Variants in INPP4B observed in about 807,000 individuals in gnomAD.
INPP4B encodes the protein inositol polyphosphate-4-phosphatase type II B.
Under a neutral mutation model 122.5 loss-of-function variants are expected in INPP4B, and 55 were observed. The observed-to-expected ratio is 0.45, with a 90% CI of 0.36 to 0.56. INPP4B has a LOEUF of 0.56. INPP4B is among the 20% of genes least tolerant of loss of function. The pLI is 0.00. For missense variants in INPP4B, 1,000 were observed against 1,097.7 expected, an observed-to-expected ratio of 0.91 and a Z score of 1.26; for synonymous variants, 403 against 388.7, an observed-to-expected ratio of 1.04 and a Z score of -0.43.
intron 19 of INPP4B, among the ~76,000 whole-genome samples, chr4:142,123,936 A>T (rs1561205118): frequency 6.6e-6 from 1 of 152,038 alleles, no homozygotes; most frequent in Non-Finnish European, 1.5e-5. Flanking sequence ...TTAGAAAGAG[A>T]AGTCTTCTTT....
chr4:142,662,287 C>G (rs1229262690), intron 2 of INPP4B, among the ~76,000 whole-genome samples: 1 of 151,896 alleles, frequency 6.6e-6, no homozygotes, highest in Non-Finnish European at 1.5e-5. Flanking sequence ...AAAGTTTGAC[C>G]ACTGCACATG....
At chr4:142,202,868 G>C in intron 14 of INPP4B, 1 of 651,428 alleles carries the variant, frequency 1.5e-6, no homozygotes, top group Non-Finnish European at 1.9e-6. Flanking sequence ...TTCCCTGTGG[G>C]CTCAAATCAG....
intron 2 of INPP4B, among the ~76,000 whole-genome samples, chr4:142,714,002 C>T (rs1763436756): frequency 6.6e-6 from 1 of 152,138 alleles, no homozygotes; most frequent in East Asian, 1.9e-4. Flanking sequence ...ATATAGAAGG[C>T]TTAATGGTCC....
chr4:142,373,319 G>C (rs1173083202), intron 7 of INPP4B, among the ~76,000 whole-genome samples: 1 of 152,018 alleles, frequency 6.6e-6, no homozygotes, highest in Non-Finnish European at 1.5e-5. Flanking sequence ...CAAGTATTGA[G>C]AGAAAAGTGT....
At chr4:142,265,986 G>C (rs1742574560) in intron 10 of INPP4B, among the ~76,000 whole-genome samples, 1 of 152,196 alleles carries the variant, frequency 6.6e-6, no homozygotes, top group South Asian at 2.1e-4. Flanking sequence ...AAGTGGAAAA[G>C]TGGCTGGTAA....
At chr4:142,175,986 G>C (rs906348872) in intron 15 of INPP4B, among the ~76,000 whole-genome samples, 1 of 151,922 alleles carries the variant, frequency 6.6e-6, no homozygotes, top group East Asian at 1.9e-4. Flanking sequence ...CTGCTATTCT[G>C]TGTCCATCAG....
At chr4:142,149,783 TA>T (rs1273044267) in intron 17 of INPP4B, among the ~76,000 whole-genome samples, 1 of 152,190 alleles carries the variant, frequency 6.6e-6, no homozygotes, top group Non-Finnish European at 1.5e-5. Context: ...GTCACTTGGT[TA>T]AAGGGTCATT....
At chr4:142,546,727 T>A (rs922501662) in intron 2 of INPP4B, among the ~76,000 whole-genome samples, 3 of 152,306 alleles carry the variant, frequency 2.0e-5, no homozygotes, top group African/African-American at 7.2e-5. Context: ...TATTGTCGGT[T>A]AATTTAAAAA....
chr4:142,230,165 A>G (rs1383829499), intron 12 of INPP4B, among the ~76,000 whole-genome samples: 2 of 152,212 alleles, frequency 1.3e-5, no homozygotes, highest in Non-Finnish European at 2.9e-5. Context: ...AATGTATTAA[A>G]TTAAAATATT....
At chr4:142,362,374 A>G (rs1202946402) in intron 7 of INPP4B, among the ~76,000 whole-genome samples, 3 of 152,044 alleles carry the variant, frequency 2.0e-5, no homozygotes, top group Non-Finnish European at 4.4e-5. Context: ...CAGATTTAAC[A>G]AAACACACTG....
At position 142,323,734 on chromosome 4, in the gene INPP4B, A is replaced by T. The variant is rs114625554; in HGVS notation, c.373-8972T>A. 2.0e-3 allele frequency among the ~76,000 whole-genome samples: 306 copies of T among 150,746 alleles called. 1 individual carries two copies. Among genetic ancestry groups the T allele is most frequent in the Non-Finnish European group, 3.7e-3 (250 of 67,808 alleles). On this transcript the variant is annotated intron_variant, in intron 7 of 25. Transcript: ENST00000262992. Reference sequence around the variant, plus strand: ...TGCAGGGATTACAGGCGTGAGCCACAGCGCCCAGCAGATCTTTTTTTTTTT... The same window carrying T: ...TGCAGGGATTACAGGCGTGAGCCACTGCGCCCAGCAGATCTTTTTTTTTTT...
rs192940594 is a variant in INPP4B at position 142,329,113 on chromosome 4, T to C, written c.373-14351A>G. 2.1e-3 allele frequency among the ~76,000 whole-genome samples: 317 copies of C among 152,326 alleles called. 1 individual carries two copies. Among genetic ancestry groups the C allele is most frequent in the African/African-American group, 7.3e-3 (304 of 41,574 alleles). ...AATAATCACTTTATGAACTACATTC[T>C]AGCATCAGGAAGACATGGACAATAT... is the stretch of plus-strand genomic sequence containing the variant. On this transcript the variant is annotated intron_variant, in intron 7 of 25. Coordinates refer to ENST00000262992, the MANE Select transcript of INPP4B (RefSeq NM_001101669.3).
intron 25 of INPP4B, among the ~76,000 whole-genome samples, chr4:142,038,026 T>C (rs1215924399): frequency 6.6e-6 from 1 of 152,180 alleles, no homozygotes; most frequent in South Asian, 2.1e-4. Flanking sequence ...GCTTATATCA[T>C]AGTCTGATAG....
At chr4:142,320,865 C>A (rs1272225657) in intron 7 of INPP4B, among the ~76,000 whole-genome samples, 2 of 152,158 alleles carry the variant, frequency 1.3e-5, no homozygotes, top group Non-Finnish European at 1.5e-5. Flanking sequence ...TTTATCTACT[C>A]ATTGATTGAT....
chr4:142,455,678 G>A (rs1352092673), intron 3 of INPP4B, among the ~76,000 whole-genome samples: 1 of 152,018 alleles, frequency 6.6e-6, no homozygotes, highest in African/African-American at 2.4e-5. Flanking sequence ...ATCCAGCAGT[G>A]AGATTGCTGG....
chr4:142,379,507 T>C (rs1793265201), intron 7 of INPP4B, among the ~76,000 whole-genome samples: 1 of 152,168 alleles, frequency 6.6e-6, no homozygotes, highest in Non-Finnish European at 1.5e-5. Flanking sequence ...AGCTTAAAAA[T>C]AATTTTCACA....
intron 2 of INPP4B, among the ~76,000 whole-genome samples, chr4:142,486,019 T>C (rs773647870): frequency 2.6e-5 from 4 of 152,050 alleles, no homozygotes; most frequent in Admixed American, 2.6e-4. Flanking sequence ...AACCCCTCTA[T>C]ACTATCCTCC....
At chr4:142,537,382 C>A (rs1215683278) in intron 2 of INPP4B, among the ~76,000 whole-genome samples, 8 of 112,086 alleles carry the variant, frequency 7.1e-5, no homozygotes, top group South Asian at 3.1e-4. Flanking sequence ...TTATCAGAGA[C>A]CAGAGATTTT....
intron 2 of INPP4B, among the ~76,000 whole-genome samples, chr4:142,694,072 T>A (rs1275073677): frequency 1.3e-5 from 2 of 152,100 alleles, no homozygotes; most frequent in African/African-American, 4.8e-5. Context: ...TTATTAAAAA[T>A]TTTTTAAAAA....
Sources: gnomAD v4.1 joint callset for allele counts (sites outside exome capture counted in the v4.1 genomes callset) on GRCh38, gnomAD v4.1.1 for gene constraint, MANE v1.5 for transcripts, NCBI Gene and HGNC (gene_info 2026-07-23, HGNC 2026-07-21) for gene names.